INTS7: variants seen among roughly 807,000 people sequenced by gnomAD.
INTS7 encodes the protein chromosome 1 open reading frame 73.
Under a neutral mutation model 109.2 loss-of-function variants are expected in INTS7, and 46 were observed. The observed-to-expected ratio is 0.42, with a 90% CI of 0.33 to 0.54. The LOEUF (loss-of-function observed/expected upper bound fraction) is 0.54, where lower values mean the gene tolerates loss of function less well. Ranked by LOEUF, INTS7 falls within the 20% of genes least tolerant of loss-of-function variation. The pLI is 0.07. For missense variants in INTS7, 929 were observed against 1,132.4 expected (o/e 0.82, Z 2.58); for synonymous variants, 412 against 402.9 (o/e 1.02, Z -0.27).
intron 17 of INTS7, among the ~76,000 whole-genome samples, chr1:211,951,609 A>G (rs1663095763): frequency 6.6e-6 from 1 of 152,056 alleles, no homozygotes; most frequent in African/African-American, 2.4e-5. Flanking sequence ...CCCGGCCAGG[A>G]TGAGTGTTCT....
Position 211,946,643 on chromosome 1 carries a change from T to C in INTS7, c.2379A>G (p.Arg793=), listed in dbSNP as rs1003596427. 2.5e-6 allele frequency: 4 copies of C among 1,612,970 alleles called. No individual in the cohort carries two copies. The highest frequency in any genetic ancestry group is 3.4e-6 in the Non-Finnish European group (4 of 1,179,184). Residue 793 remains arginine, a synonymous_variant, in exon 18 of 20, where the codon AGA becomes AGG. Transcript: ENST00000366994. The surrounding 1 kb of genome is among the most constrained non-coding windows in gnomAD (Gnocchi z 4.3). ...TAGACTGTAGTTTCTGGAAAAAATA[T>C]CTCTGGAAAGAAAGGGGAACTTTCA... ...ALLKVPLSFQ[R]YFFQKLQSTS... is the part of the protein sequence containing the mutation.
At chr1:211,987,127 T>C (rs925915152) in intron 8 of INTS7, among the ~76,000 whole-genome samples, 8 of 152,094 alleles carry the variant, frequency 5.3e-5, no homozygotes, top group African/African-American at 1.9e-4. Flanking sequence ...TGAAACTCCA[T>C]CTCTACTAAA....
In INTS7 at chr1:212,011,509, A is replaced by G. The variant is rs1666165791; in HGVS notation, c.510-88T>C. On this transcript the variant is annotated intron_variant, in intron 4 of 19. Coordinates refer to ENST00000366994, the MANE Select transcript of INTS7 (RefSeq NM_015434.4). The stretch of plus-strand genomic sequence containing the variant: ...AAAAGAAATAAAACACAATTAGCGC[A>G]GAAGAAATACAATATTCCAAACTGC... 3.6e-6 allele frequency: 3 copies of G among 829,582 alleles called. No homozygotes were observed. In the East Asian group the frequency reaches 7.5e-5, roughly 21 times the overall value. The allele number at this position is 829,582 out of a possible 1,614,324, so 51.4% of individuals were successfully genotyped here.
At chr1:212,028,971 T>C (rs139570061) in intron 1 of INTS7, among the ~76,000 whole-genome samples, 2 of 152,280 alleles carry the variant, frequency 1.3e-5, no homozygotes, top group South Asian at 2.1e-4. Flanking sequence ...CTAAAATGCA[T>C]CTCTAGCAAG....
At chr1:211,992,333 TTAA>T (rs1444837522) in intron 7 of INTS7, among the ~76,000 whole-genome samples, 1 of 152,122 alleles carries the variant, frequency 6.6e-6, no homozygotes, top group African/African-American at 2.4e-5. Context: ...AATGATAATA[TTAA>T]TAATTTTAAA....
At chr1:211,954,883 C>G (rs564621892) in intron 16 of INTS7, among the ~76,000 whole-genome samples, 21 of 152,140 alleles carry the variant, frequency 1.4e-4, no homozygotes, top group African/African-American at 5.1e-4. Context: ...GATGTGGGCT[C>G]TTTTTTGGTT....
At chr1:212,007,817 T>C (rs1467943279) in intron 5 of INTS7, among the ~76,000 whole-genome samples, 2 of 152,188 alleles carry the variant, frequency 1.3e-5, no homozygotes, top group African/African-American at 4.8e-5. Context: ...TACAGTCTGA[T>C]TATACTTATG....
intron 19 of INTS7, 144 bp downstream of exon 19, chr1:211,944,640 C>T: frequency 3.0e-6 from 2 of 657,332 alleles, no homozygotes; most frequent in East Asian, 2.7e-5. Flanking sequence ...CCCTTACAGC[C>T]CCAATGTGGG....
chr1:211,959,992 AT>A lies in INTS7; in HGVS notation c.2183+6437del, dbSNP rs1224234206. On this transcript the variant is annotated intron_variant, in intron 16 of 19. Transcript: ENST00000366994. This position sits in a 1 kb window ranked among gnomAD's most constrained non-coding sequence, Gnocchi z 4.2. ...TTATGCTGCTGTTGCTGCTGCTGGT[AT>A]GTGCAACTGAGGATGGATCCTGCTG... 6.6e-6 allele frequency among the ~76,000 whole-genome samples: 1 copy of A among 152,188 alleles called. No individual in the cohort carries two copies. The highest frequency in any genetic ancestry group is 1.5e-5 in the Non-Finnish European group (1 of 68,042).
At chr1:212,028,275 C>T (rs763374182) in intron 1 of INTS7, among the ~76,000 whole-genome samples, 6 of 152,180 alleles carry the variant, frequency 3.9e-5, no homozygotes, top group Admixed American at 6.5e-5. Flanking sequence ...TTAAAGGTTT[C>T]GAACACACTG....
At chr1:212,030,286 AT>A (rs1335345498) in intron 1 of INTS7, among the ~76,000 whole-genome samples, 6 of 148,046 alleles carry the variant, frequency 4.1e-5, no homozygotes, top group African/African-American at 1.5e-4. Flanking sequence ...ATTCTACATG[AT>A]TTTTTGTTTT....
intron 8 of INTS7, 38 bp downstream of exon 8, chr1:211,987,848 G>T: frequency 8.7e-7 from 1 of 1,146,584 alleles, no homozygotes; most frequent in Non-Finnish European, 1.3e-6. Context: ...AAAGGAGTTA[G>T]CACATTATTT....
chr1:212,020,755 C>T, intron 2 of INTS7: 1 of 1,014,644 alleles, frequency 9.9e-7, no homozygotes, highest in Non-Finnish European at 1.2e-6. Context: ...GCATCTCATG[C>T]TATAAAATAA....
At position 211,941,756 on chromosome 1, in the gene INTS7, T is replaced by C; in HGVS notation, c.*68A>G. 1 of 1,552,740 alleles carries C rather than the reference T, an allele frequency of 6.4e-7. No individual in the cohort carries two copies. Among genetic ancestry groups the C allele is most frequent in the Non-Finnish European group, 8.7e-7 (1 of 1,149,370 alleles). On this transcript the variant is annotated 3_prime_UTR_variant, in exon 20 of 20. Coordinates refer to ENST00000366994, the MANE Select transcript of INTS7 (RefSeq NM_015434.4). ...CTGTAACTTTAATACTTATTCCATA[T>C]GAAAAACCAAACTGTTTCTGGCAAT...
At chr1:211,990,830 G>C (rs1022425547) in intron 7 of INTS7, among the ~76,000 whole-genome samples, 3 of 152,080 alleles carry the variant, frequency 2.0e-5, no homozygotes, top group Admixed American at 1.3e-4. Context: ...TTAAAAGTTA[G>C]GCAGAATAAT....
intron 13 of INTS7, among the ~76,000 whole-genome samples, chr1:211,969,349 C>T (rs1001553889): frequency 6.6e-6 from 1 of 151,714 alleles, no homozygotes; most frequent in African/African-American, 2.4e-5. Flanking sequence ...TACCATCCCC[C>T]AAAATCCCCT....
intron 7 of INTS7, among the ~76,000 whole-genome samples, chr1:212,004,840 C>A (rs1162453658): frequency 6.6e-6 from 1 of 152,106 alleles, no homozygotes; most frequent in East Asian, 1.9e-4. Flanking sequence ...CAAGGAGCTA[C>A]ACATAAAAAG....
chr1:211,957,951 A>C (rs1663444338), intron 16 of INTS7, among the ~76,000 whole-genome samples: 1 of 151,932 alleles, frequency 6.6e-6, no homozygotes, highest in Non-Finnish European at 1.5e-5. Flanking sequence ...TATACTACTA[A>C]ATGTAAGATT....
chr1:211,954,285 T>C (rs1663254690), intron 16 of INTS7, among the ~76,000 whole-genome samples: 1 of 152,236 alleles, frequency 6.6e-6, no homozygotes, highest in Admixed American at 6.5e-5. Flanking sequence ...CATTGTAGAT[T>C]CTGGATATTA....
Sources: gnomAD v4.1 joint callset for allele counts (sites outside exome capture counted in the v4.1 genomes callset) on GRCh38, gnomAD v4.1.1 for gene constraint, Gnocchi (gnomAD v3.1) non-coding constraint, MANE v1.5 for transcripts, NCBI Gene and HGNC (gene_info 2026-07-23, HGNC 2026-07-21) for gene names.